CPVL: variants seen among roughly 807,000 people sequenced by gnomAD.
CPVL encodes probable serine carboxypeptidase CPVL.
A neutral mutation model predicts 63.7 loss-of-function variants in CPVL; 51 were observed. That is an observed-to-expected ratio of 0.80 (90% CI 0.64 to 1.01). The LOEUF (loss-of-function observed/expected upper bound fraction) is 1.01, where lower values mean the gene tolerates loss of function less well. Among genes scored for constraint, CPVL ranks in the 50% least tolerant of loss-of-function variants. CPVL has a pLI of 0.00. For synonymous variants in CPVL, 195 were observed against 206.0 expected (o/e 0.95, Z 0.46); for missense variants, 530 against 573.1 (o/e 0.92, Z 0.77).
chr7:29,091,777 C>T (rs1263698383), intron 6 of CPVL, among the ~76,000 whole-genome samples: 2 of 152,120 alleles, frequency 1.3e-5, no homozygotes, highest in Admixed American at 1.3e-4. Context: ...TCTTCTCTCC[C>T]CCCGGCCACC....
At chr7:29,027,517 C>A (rs1413978904) in intron 12 of CPVL, among the ~76,000 whole-genome samples, 2 of 152,068 alleles carry the variant, frequency 1.3e-5, no homozygotes, top group Non-Finnish European at 2.9e-5. Flanking sequence ...GGCATTCATA[C>A]TGAAAAAGAG....
chr7:29,111,753 A>G (rs1456154470), intron 3 of CPVL, among the ~76,000 whole-genome samples: 1 of 152,234 alleles, frequency 6.6e-6, no homozygotes, highest in African/African-American at 2.4e-5. Context: ...ACCAGGAGAA[A>G]CAACGTAACT....
intron 3 of CPVL, among the ~76,000 whole-genome samples, chr7:29,104,831 T>C (rs977441782): frequency 6.6e-6 from 1 of 152,326 alleles, no homozygotes; most frequent in East Asian, 1.9e-4. Context: ...TTTCCCTTCT[T>C]GATGCAAAAG....
At chr7:29,078,896 T>A (rs1456573280) in intron 7 of CPVL, among the ~76,000 whole-genome samples, 1 of 152,142 alleles carries the variant, frequency 6.6e-6, no homozygotes, top group Non-Finnish European at 1.5e-5. Flanking sequence ...CATTTTCAAT[T>A]CAAAAAGAAA....
At chr7:29,154,152 C>T (rs1794016501) in intron 5 of CPVL, among the ~76,000 whole-genome samples, 1 of 152,158 alleles carries the variant, frequency 6.6e-6, no homozygotes, top group African/African-American at 2.4e-5. Context: ...CTCATTTATT[C>T]TGACAGTTGC....
intron 2 of CPVL, among the ~76,000 whole-genome samples, chr7:29,120,256 T>C (rs922878835): frequency 3.3e-5 from 5 of 151,748 alleles, no homozygotes; most frequent in Non-Finnish European, 7.4e-5. Context: ...ACCCCATCTC[T>C]ACTAAAAATA....
intron 12 of CPVL, among the ~76,000 whole-genome samples, chr7:28,996,563 AC>A (rs1474903531): frequency 1.4e-4 from 21 of 151,446 alleles, no homozygotes; most frequent in South Asian, 4.2e-4. Flanking sequence ...AAAAAAAAAA[AC>A]AAAACAAAAA....
chr7:29,195,237 TC>T (rs1000935768), exon 1 of CPVL: 63 of 434,550 alleles, frequency 1.4e-4, no homozygotes, highest in African/African-American at 1.3e-3. Context: ...ACGCGGGTGT[TC>T]CGGGGCTTGG....
chr7:29,143,502 G>A (rs1584388340), intron 1 of CPVL, among the ~76,000 whole-genome samples: 1 of 152,032 alleles, frequency 6.6e-6, no homozygotes, highest in Non-Finnish European at 1.5e-5. Context: ...AAAATGAATC[G>A]CTTGGGACCT....
At chr7:29,002,315 C>G (rs719675) in intron 12 of CPVL, among the ~76,000 whole-genome samples, 127,639 of 152,206 alleles carry the variant, frequency 0.84, 54,234 homozygotes, top group African/African-American at 0.95. Flanking sequence ...GAAGTAATAA[C>G]AAACCAGAAA....
intron 11 of CPVL, among the ~76,000 whole-genome samples, chr7:29,054,508 C>T (rs532272002): frequency 1.3e-5 from 2 of 152,232 alleles, no homozygotes; most frequent in African/African-American, 4.8e-5. Context: ...TTGTAGATGG[C>T]CTGCCTTTTC....
intron 5 of CPVL, among the ~76,000 whole-genome samples, chr7:29,163,448 T>C (rs1378137354): frequency 6.6e-6 from 1 of 152,204 alleles, no homozygotes; most frequent in Non-Finnish European, 1.5e-5. Flanking sequence ...TATATTTCTA[T>C]TTCCTGCTCT....
At chr7:29,194,685 C>T in intron 1 of CPVL, 1 of 382,128 alleles carries the variant, frequency 2.6e-6, no homozygotes, top group Non-Finnish European at 4.6e-6. Flanking sequence ...TCTGCTCCCA[C>T]CTACCCCCTG....
At chr7:29,072,542 G>A in intron 7 of CPVL, 119 bp from the exon 8 acceptor site, 2 of 1,117,788 alleles carry the variant, frequency 1.8e-6, no homozygotes, top group East Asian at 2.5e-5. Context: ...TATACCATCT[G>A]TTTCTTAACC....
intron 12 of CPVL, among the ~76,000 whole-genome samples, chr7:29,014,037 T>C (rs1223226357): frequency 6.6e-6 from 1 of 152,226 alleles, no homozygotes; most frequent in African/African-American, 2.4e-5. Flanking sequence ...TGTTGGTCTC[T>C]AACAAACTAT....
intron 1 of CPVL, among the ~76,000 whole-genome samples, chr7:29,189,839 A>C (rs751395359): frequency 9.9e-5 from 15 of 152,182 alleles, no homozygotes; most frequent in Non-Finnish European, 1.9e-4. Context: ...GCCCCCCTGC[A>C]GCTCAGTGAG....
At chr7:29,180,613 G>C (rs1034409917) in intron 5 of CPVL, among the ~76,000 whole-genome samples, 10 of 151,892 alleles carry the variant, frequency 6.6e-5, no homozygotes, top group Middle Eastern at 3.2e-3. Flanking sequence ...TAAGGCAAAT[G>C]ATGAGCCAAT....
At chr7:29,135,154 G>A (rs766003692) in intron 1 of CPVL, among the ~76,000 whole-genome samples, 4 of 149,726 alleles carry the variant, frequency 2.7e-5, no homozygotes, top group East Asian at 1.9e-4. Flanking sequence ...GAAATACTGC[G>A]AAAATATCTG....
intron 12 of CPVL, among the ~76,000 whole-genome samples, chr7:29,015,355 TTTGGAGGTGGGGCCTGGTGGGAGGTGA>T (rs1786304493): frequency 6.6e-6 from 1 of 152,070 alleles, no homozygotes; most frequent in Admixed American, 6.6e-5. Flanking sequence ...TAATCCCCAA[TTTGGAGGTGGGGCCTGGTGGGAGGTGA>T]TTGGATCATG....
Sources: allele counts gnomAD v4.1 joint callset (sites outside exome capture counted in the v4.1 genomes callset), GRCh38; gene constraint gnomAD v4.1.1; transcripts MANE v1.5; gene names NCBI Gene and HGNC (gene_info 2026-07-23, HGNC 2026-07-21).